Variants in C4orf51 observed in about 807,000 individuals in gnomAD.
C4orf51 encodes the protein chromosome 4 open reading frame 51.
In C4orf51, 25 loss-of-function variants were observed where a neutral mutation model predicts 25.2. The ratio of observed to expected loss-of-function variants is 0.99; its 90% CI spans 0.72 to 1.39. The LOEUF (loss-of-function observed/expected upper bound fraction) is 1.39, where lower values mean the gene tolerates loss of function less well. Ranked by LOEUF, C4orf51 falls within the 40% of genes most tolerant of loss-of-function variation. C4orf51 has a pLI of 0.00. For synonymous variants in C4orf51, 100 were observed against 84.5 expected, an observed-to-expected ratio of 1.18 and a Z score of -1.01; for missense variants, 252 against 239.6, an observed-to-expected ratio of 1.05 and a Z score of -0.34.
At chr4:145,685,328 AC>A (rs1729081767) in intron 1 of C4orf51, among the ~76,000 whole-genome samples, 1 of 152,214 alleles carries the variant, frequency 6.6e-6, no homozygotes, top group Non-Finnish European at 1.5e-5. Context: ...TTCAAATAAT[AC>A]AGAGTATGTT....
At chr4:145,785,239 G>A in the C4orf51 span, among the ~76,000 whole-genome samples, 1 of 152,130 alleles carries the variant, frequency 6.6e-6, no homozygotes, top group Non-Finnish European at 1.5e-5. Context: ...CCATAATGAT[G>A]AGGACTAGTT....
chr4:145,701,556 GA>G (rs1730443499), intron 2 of C4orf51, among the ~76,000 whole-genome samples: 1 of 151,682 alleles, frequency 6.6e-6, no homozygotes, highest in Non-Finnish European at 1.5e-5. Context: ...CTTAGCGGCT[GA>G]AGACTGATGC....
At chr4:145,707,521 A>G (rs1489868029) in intron 2 of C4orf51, among the ~76,000 whole-genome samples, 2 of 152,192 alleles carry the variant, frequency 1.3e-5, no homozygotes. Context: ...GTCCAAGATG[A>G]AGTTATTGGT....
rs28825402 is a variant in C4orf51, at chr4:145,690,802, T to A, written c.234-5757T>A. On this transcript the variant is annotated intron_variant, in intron 1 of 5. Transcript: ENST00000438731. ...CAACAAGCAAAAACCAACAAACCCA[T>A]CAAAAAGTGCACAAAGGGCCAGGTG... is the stretch of plus-strand genomic sequence containing the variant. Among the ~76,000 whole-genome samples the A allele has an allele frequency of 8.3e-3, 1,268 of 151,942 alleles. 19 individuals are homozygous for A. Among genetic ancestry groups the A allele is most frequent in the African/African-American group, 0.028 (1,172 of 41,418 alleles).
chr4:145,692,921 C>T (rs2132778), intron 1 of C4orf51, among the ~76,000 whole-genome samples: 66,533 of 141,478 alleles, frequency 0.47, 15,304 homozygotes, highest in Middle Eastern at 0.58. Flanking sequence ...ATCTGTGAGT[C>T]CCCAAGTTAC....
At chr4:145,695,070 A>G (rs983727221) in intron 1 of C4orf51, among the ~76,000 whole-genome samples, 1 of 152,200 alleles carries the variant, frequency 6.6e-6, no homozygotes, top group Non-Finnish European at 1.5e-5. Context: ...AAATAAAAAG[A>G]TGAATGATTT....
At chr4:145,687,962 T>C (rs934997270) in intron 1 of C4orf51, among the ~76,000 whole-genome samples, 34 of 152,146 alleles carry the variant, frequency 2.2e-4, no homozygotes, top group African/African-American at 7.0e-4. Flanking sequence ...AAAAAGTTAG[T>C]GCTTACCAGT....
downstream of C4orf51, among the ~76,000 whole-genome samples, chr4:145,736,244 G>C (rs1179268962): frequency 1.3e-5 from 2 of 151,754 alleles, no homozygotes; most frequent in African/African-American, 2.4e-5. Flanking sequence ...CCTGTGTCTA[G>C]CAGGTGAGCG....
At chr4:145,774,412 C>T (rs1736727350), downstream of C4orf51, 3 of 1,393,234 alleles carry the variant, frequency 2.2e-6, no homozygotes, top group East Asian at 2.5e-5. Context: ...AGGGCAATGT[C>T]TCAGGGCAGT....
intron 2 of C4orf51, among the ~76,000 whole-genome samples, chr4:145,700,647 AT>A (rs1730376107): frequency 6.6e-6 from 1 of 152,142 alleles, no homozygotes; most frequent in African/African-American, 2.4e-5. Context: ...TATTTTACAC[AT>A]CAGTCCCTTC....
downstream of C4orf51, among the ~76,000 whole-genome samples, chr4:145,772,666 T>G (rs924003084): frequency 6.6e-6 from 1 of 152,210 alleles, no homozygotes; most frequent in Non-Finnish European, 1.5e-5. Context: ...TTTGCCCCTT[T>G]GAAAAAAGCT....
rs1207169331 is a variant in C4orf51 at position 145,763,548 on chromosome 4, C to G, written n.167-7440C>G. On this transcript the variant is annotated intron_variant and non_coding_transcript_variant, in intron 1 of 1. Coordinates refer to the C4orf51 transcript ENST00000510096. The surrounding 1 kb of genome is among the most constrained non-coding windows in gnomAD (Gnocchi z 4.6). ...CATCAGAATTCACTGTGCATTCTCC[C>G]CAATGGCTTCAGAGGCTGGGGACTT... is the stretch of plus-strand genomic sequence containing the variant. Among the ~76,000 whole-genome samples, 1 of 152,170 alleles carries G rather than the reference C, an allele frequency of 6.6e-6. No homozygotes were observed. Among genetic ancestry groups the G allele is most frequent in the Non-Finnish European group, 1.5e-5 (1 of 68,038 alleles).
At chr4:145,770,609 A>C (rs1283017664) in intron 1 of C4orf51, among the ~76,000 whole-genome samples, 1 of 151,996 alleles carries the variant, frequency 6.6e-6, no homozygotes, top group East Asian at 1.9e-4. Context: ...TATAATAATA[A>C]TGATAACTAA....
At chr4:145,724,000 C>T (rs1731900575) in intron 2 of C4orf51, among the ~76,000 whole-genome samples, 1 of 152,170 alleles carries the variant, frequency 6.6e-6, no homozygotes, top group Admixed American at 6.5e-5. Flanking sequence ...CCCAAGTTGG[C>T]TGAAAGATAA....
intron 2 of C4orf51, among the ~76,000 whole-genome samples, chr4:145,718,828 GACCTTTAC>G (rs1490180895): frequency 6.6e-6 from 1 of 152,082 alleles, no homozygotes; most frequent in African/African-American, 2.4e-5. Context: ...CCCACCTCAG[GACCTTTAC>G]ACGTGCTGTA....
chr4:145,759,572 G>C (rs967519425), intron 1 of C4orf51: 5 of 152,092 alleles, frequency 3.3e-5, no homozygotes, highest in African/African-American at 1.2e-4. Flanking sequence ...TGAACCATAG[G>C]ACTAAACAGC....
intron 1 of C4orf51, among the ~76,000 whole-genome samples, chr4:145,739,731 T>C (rs1044144650): frequency 6.6e-6 from 1 of 152,232 alleles, no homozygotes; most frequent in African/African-American, 2.4e-5. Flanking sequence ...ATATCCACAC[T>C]AAAGTGTTTG....
rs1732546229 is a variant in C4orf51 at position 145,732,657 on chromosome 4, C to T, written c.*97C>T. 4 of 723,610 alleles carry T rather than the reference C, an allele frequency of 5.5e-6. No homozygotes were observed. Among genetic ancestry groups the T allele is most frequent in the Non-Finnish European group, 9.2e-6 (4 of 434,432 alleles). The allele number at this position is 723,610 out of a possible 1,614,324, so 44.8% of individuals were successfully genotyped here. ...CCCAACACCCTCCCCCCACCCGCCC[C>T]GCCCAGGAACGTCTGGACCCTGGCA... is the stretch of plus-strand genomic sequence containing the variant. On this transcript the variant is annotated 3_prime_UTR_variant, in exon 6 of 6. Coordinates refer to ENST00000438731, the MANE Select transcript of C4orf51 (RefSeq NM_001080531.3).
At position 145,761,477 on chromosome 4, in the gene C4orf51, G is replaced by C; in HGVS notation, n.167-9511G>C. ...CGGTGCTCCCGGGTGTGCGTCTCCA[G>C]CTCCAGCTGGTTGGCCTTCACCGTC... On this transcript the variant is annotated intron_variant and non_coding_transcript_variant, in intron 1 of 1. Transcript: ENST00000510096. This position sits in a 1 kb window ranked among gnomAD's most constrained non-coding sequence, Gnocchi z 6.8. 7.8e-7 allele frequency: 1 copy of C among 1,289,854 alleles called. No individual in the cohort carries two copies. Among genetic ancestry groups the C allele is most frequent in the Non-Finnish European group, 1.0e-6 (1 of 988,862 alleles). The allele number at this position is 1,289,854 out of a possible 1,614,324, so 79.9% of individuals were successfully genotyped here. A position where few individuals can be genotyped will look rare whatever the true frequency, so the allele number is the denominator to read the frequency against.
Sources: allele counts gnomAD v4.1 joint callset (sites outside exome capture counted in the v4.1 genomes callset), GRCh38; gene constraint gnomAD v4.1.1; non-coding constraint Gnocchi (gnomAD v3.1); transcripts MANE v1.5; gene names NCBI Gene and HGNC (gene_info 2026-07-23, HGNC 2026-07-21).